Variants in DPP10 observed in about 807,000 individuals in gnomAD.
DPP10 encodes the protein dipeptidyl peptidase like 10, also known as inactive dipeptidyl peptidase 10.
A neutral mutation model predicts 120.9 loss-of-function variants in DPP10; 33 were observed. The observed-to-expected ratio is 0.27, with a 90% CI of 0.21 to 0.37. The LOEUF is 0.37. DPP10 is among the 10% of genes least tolerant of loss of function. The pLI, the probability that DPP10 is intolerant of heterozygous loss-of-function variation, is 1.00. For synonymous variants in DPP10, 337 were observed against 326.1 expected (o/e 1.03, Z -0.36); for missense variants, 816 against 942.8 (o/e 0.87, Z 1.76).
At chr2:115,184,222 G>A (rs190857865) in intron 1 of DPP10, among the ~76,000 whole-genome samples, 17 of 152,246 alleles carry the variant, frequency 1.1e-4, no homozygotes, top group Admixed American at 7.8e-4. Context: ...TATTTTAAAC[G>A]TGTGTTCAGT....
intron 1 of DPP10, among the ~76,000 whole-genome samples, chr2:115,259,001 A>G (rs1280456436): frequency 6.6e-6 from 1 of 152,238 alleles, no homozygotes; most frequent in Non-Finnish European, 1.5e-5. Flanking sequence ...GAGCAAAGTT[A>G]AGTCATTTCT....
intron 1 of DPP10, among the ~76,000 whole-genome samples, chr2:114,477,920 T>TATATATGTACATATGTGTATATATGTAC (rs1558795010): frequency 3.4e-4 from 52 of 150,776 alleles, no homozygotes; most frequent in Non-Finnish European, 7.1e-4. Flanking sequence ...CATATATGTG[T>TATATATGTACATATGTGTATATATGTAC]ATATATGTAC....
chr2:115,640,558 G>C (rs979347950), intron 5 of DPP10, among the ~76,000 whole-genome samples: 9 of 149,336 alleles, frequency 6.0e-5, no homozygotes, highest in African/African-American at 2.3e-4. Context: ...TACTTTTTTG[G>C]GAGCAATATG....
chr2:115,613,587 T>C (rs2084271909), intron 5 of DPP10, among the ~76,000 whole-genome samples: 1 of 152,184 alleles, frequency 6.6e-6, no homozygotes, highest in Admixed American at 6.5e-5. Flanking sequence ...TCCAATGGTT[T>C]CCTCTTTCTT....
chr2:115,806,342 C>T (rs543645213), intron 19 of DPP10, among the ~76,000 whole-genome samples: 66 of 152,114 alleles, frequency 4.3e-4, no homozygotes, highest in African/African-American at 1.3e-3. Flanking sequence ...ATTTCTTTAC[C>T]GCTATATGTC....
At chr2:114,911,258 CAAGTACTAGCATTCAAGA>C (rs1694348430) in intron 1 of DPP10, among the ~76,000 whole-genome samples, 1 of 152,086 alleles carries the variant, frequency 6.6e-6, no homozygotes, top group Non-Finnish European at 1.5e-5. Context: ...ATCAAGTTGA[CAAGTACTAGCATTCAAGA>C]AATTATGCAA....
chr2:115,735,896 A>T (rs1245003761), intron 8 of DPP10, among the ~76,000 whole-genome samples: 1 of 151,924 alleles, frequency 6.6e-6, no homozygotes, highest in Non-Finnish European at 1.5e-5. Context: ...TATTGGGCAA[A>T]AATGTATTTG....
At chr2:115,621,500 TC>T (rs2084938570) in intron 5 of DPP10, among the ~76,000 whole-genome samples, 1 of 152,182 alleles carries the variant, frequency 6.6e-6, no homozygotes, top group South Asian at 2.1e-4. Flanking sequence ...TGACTTTGCT[TC>T]TATGCAGGCC....
intron 3 of DPP10, among the ~76,000 whole-genome samples, chr2:115,459,377 G>A (rs2073839694): frequency 1.3e-5 from 2 of 151,722 alleles, no homozygotes; most frequent in African/African-American, 2.4e-5. Flanking sequence ...GGGTGGTCTC[G>A]AACTCTTGAC....
chr2:114,449,794 T>C (rs1298348228), intron 1 of DPP10, among the ~76,000 whole-genome samples: 1 of 152,208 alleles, frequency 6.6e-6, no homozygotes, highest in African/African-American at 2.4e-5. Context: ...AGGAGTTGTA[T>C]AGTGAGAATC....
intron 1 of DPP10, among the ~76,000 whole-genome samples, chr2:114,899,546 C>CTATG (rs947880770): frequency 1.3e-5 from 2 of 152,174 alleles, no homozygotes; most frequent in Non-Finnish European, 2.9e-5. Context: ...TACCACCTAA[C>CTATG]TATGCATCCT....
In DPP10 at chr2:115,525,902, C is replaced by A. The variant is rs764143423; in HGVS notation, c.371C>A (p.Thr124Asn). 26 of 1,598,842 alleles carry A rather than the reference C, an allele frequency of 1.6e-5. No homozygotes were observed. Among genetic ancestry groups the A allele is most frequent in the Admixed American group, 8.6e-5 (5 of 57,906 alleles). ...GGTTTTTTTTTCTTTTTCTAGGTAA[C>A]CTTCAAAGCATCAAGACATTCAGTT... is the stretch of plus-strand genomic sequence containing the variant. ...TLLLENTTFV[T>N]FKASRHSVSP... The change falls in exon 5 of 26, where the codon ACC (threonine) becomes AAC (asparagine). Residue 124 changes from threonine (T) to asparagine (N), a missense_variant. Physicochemically the swap from Thr to Asn is moderately conservative, Grantham distance 65 (BLOSUM62 0). This residue lies in a region of DPP10 where 182 missense variants were observed against 207.4 expected (regional missense o/e 0.88). Coordinates refer to ENST00000410059, the MANE Select transcript of DPP10 (RefSeq NM_020868.6).
chr2:115,081,771 G>A (rs992626732), intron 1 of DPP10, among the ~76,000 whole-genome samples: 11 of 152,122 alleles, frequency 7.2e-5, no homozygotes, highest in African/African-American at 1.7e-4. Context: ...AGTTCAAGAC[G>A]TGGTACAGAA....
At chr2:115,438,228 G>GCAA (rs1033795390) in intron 3 of DPP10, among the ~76,000 whole-genome samples, 2 of 152,000 alleles carry the variant, frequency 1.3e-5, no homozygotes, top group Admixed American at 6.6e-5. Context: ...AAAAAATATT[G>GCAA]CAACAACAAC....
chr2:115,559,134 C>G (rs2080405747), intron 5 of DPP10, among the ~76,000 whole-genome samples: 1 of 152,146 alleles, frequency 6.6e-6, no homozygotes, highest in Non-Finnish European at 1.5e-5. Context: ...TCCAGATTGA[C>G]TATATATACT....
intron 1 of DPP10, among the ~76,000 whole-genome samples, chr2:114,768,193 A>C (rs1680915632): frequency 6.6e-6 from 1 of 152,116 alleles, no homozygotes; most frequent in Non-Finnish European, 1.5e-5. Flanking sequence ...ATACCAAGCA[A>C]AATGAGATTG....
At chr2:114,689,826 T>G (rs1699616968) in intron 1 of DPP10, among the ~76,000 whole-genome samples, 1 of 152,056 alleles carries the variant, frequency 6.6e-6, no homozygotes, top group Admixed American at 6.6e-5. Flanking sequence ...TCTCTAATGA[T>G]CAGTGATGCT....
Position 115,435,049 on chromosome 2 carries a change from CACATAT to C in DPP10, c.272-64459_272-64454del, listed in dbSNP as rs969601348. ...TGACTAATATTTCTATACACATGCA[CACATAT>C]ATATATATATATATATATGTATCAC... On this transcript the variant is annotated intron_variant, in intron 3 of 25. Coordinates refer to ENST00000410059, the MANE Select transcript of DPP10 (RefSeq NM_020868.6). Among the ~76,000 whole-genome samples, 35 of 46,960 alleles carry C rather than the reference CACATAT, an allele frequency of 7.5e-4. 1 individual carries two copies. Among genetic ancestry groups the C allele is most frequent in the Admixed American group, 3.1e-3 (15 of 4,820 alleles). 30.8% of individuals were successfully genotyped at this position (46,960 alleles called of 152,430 possible). A position where few individuals can be genotyped will look rare whatever the true frequency, so the allele number is the denominator to read the frequency against.
At chr2:114,608,051 A>G (rs1168416158) in intron 1 of DPP10, among the ~76,000 whole-genome samples, 1 of 152,200 alleles carries the variant, frequency 6.6e-6, no homozygotes, top group African/African-American at 2.4e-5. Flanking sequence ...CCATCCCTGC[A>G]AATAGCACCA....
Sources: gnomAD v4.1 joint callset for allele counts (sites outside exome capture counted in the v4.1 genomes callset) on GRCh38, gnomAD v4.1.1 for gene constraint, gnomAD v4.1.1 regional missense constraint, MANE v1.5 for transcripts, NCBI Gene and HGNC (gene_info 2026-07-23, HGNC 2026-07-21) for gene names.